S100PBP: variants seen among roughly 807,000 people sequenced by gnomAD.
S100PBP encodes the protein S100P binding protein, also known as S100P-binding protein.
Under a neutral mutation model 39.9 loss-of-function variants are expected in S100PBP, and 15 were observed. The observed-to-expected ratio is 0.38, with a 90% CI of 0.25 to 0.58. The LOEUF (loss-of-function observed/expected upper bound fraction) is 0.58, where lower values mean the gene tolerates loss of function less well. Among genes scored for constraint, S100PBP ranks in the 20% least tolerant of loss-of-function variants. The pLI, the probability that S100PBP is intolerant of heterozygous loss-of-function variation, is 0.70. For synonymous variants in S100PBP, 178 were observed against 180.3 expected, an observed-to-expected ratio of 0.99 and a Z score of 0.10; for missense variants, 504 against 487.3, an observed-to-expected ratio of 1.03 and a Z score of -0.32.
At position 32,826,574 on chromosome 1, in the gene S100PBP, C is replaced by T. The variant is rs558080945; in HGVS notation, c.475C>T (p.Leu159=). The T allele has an allele frequency of 5.6e-6, 9 of 1,613,784 alleles. No homozygotes were observed. Among genetic ancestry groups the T allele is most frequent in the South Asian group, 5.5e-5 (5 of 91,064 alleles). Residue 159 remains leucine, a synonymous_variant, in exon 3 of 7, where the codon CTG becomes TTG. Transcript: ENST00000373475. ...ATTTAATCCAACAGTTTGTGATGCT[C>T]TGCTTGATAAGGACGAGACTGATTC... ...APFNPTVCDA[L]LDKDETDSSK... is the part of the protein sequence containing the mutation.
At chr1:32,842,242 C>T (rs968718303) in intron 5 of S100PBP, among the ~76,000 whole-genome samples, 288 of 54,486 alleles carry the variant, frequency 5.3e-3, no homozygotes, top group East Asian at 8.5e-3. Flanking sequence ...TATATACACA[C>T]ACACACACAC....
intron 5 of S100PBP, among the ~76,000 whole-genome samples, chr1:32,842,236 TACACACACACACACACAC>T (rs1553132298): frequency 1.2e-5 from 1 of 80,854 alleles, no homozygotes; most frequent in African/African-American, 4.7e-5. Context: ...TATATATATA[TACACACACACACACACAC>T]ACACACACAC....
chr1:32,854,710 C>T lies in S100PBP; in HGVS notation c.1113-1214C>T, dbSNP rs140848406. Among the ~76,000 whole-genome samples, 703 of 152,310 alleles carry T rather than the reference C, an allele frequency of 4.6e-3. 1 individual carries two copies. The highest frequency in any genetic ancestry group is 0.027 in the Middle Eastern group (8 of 294). On this transcript the variant is annotated intron_variant, in intron 6 of 6. Transcript: ENST00000373475. ...TTCCCAGTGGCTTCCCATCTCACAT[C>T]TTCCCATTCTCGTAATCCCCTACAA... is the stretch of plus-strand genomic sequence containing the variant.
rs368575916 is a variant in S100PBP, at chr1:32,822,601, A to G, written c.-119-2712A>G. 3.3e-5 allele frequency among the ~76,000 whole-genome samples: 5 copies of G among 149,364 alleles called. No homozygotes were observed. In the East Asian group the frequency reaches 9.7e-4, roughly 29 times the overall value. ...GCGCCACTGCACTCCAGTCTGGGCT[A>G]CAGAGCTAGACTCCGTTTCAAAAAA... On this transcript the variant is annotated intron_variant, in intron 1 of 6. Coordinates refer to ENST00000373475, the MANE Select transcript of S100PBP (RefSeq NM_022753.4).
At chr1:32,819,196 T>A (rs1327907823) in intron 1 of S100PBP, among the ~76,000 whole-genome samples, 5 of 151,870 alleles carry the variant, frequency 3.3e-5, no homozygotes. Context: ...AAGGACAGAA[T>A]GGGGTCACAG....
chr1:32,842,232 TATATAC>T (rs1263089803), intron 5 of S100PBP, among the ~76,000 whole-genome samples: 14 of 80,756 alleles, frequency 1.7e-4, no homozygotes, highest in African/African-American at 8.7e-4. Flanking sequence ...TATATATATA[TATATAC>T]ACACACACAC....
intron 6 of S100PBP, 36 bp downstream of exon 6, chr1:32,853,202 G>C: frequency 1.3e-6 from 2 of 1,501,650 alleles, no homozygotes; most frequent in Non-Finnish European, 1.8e-6. Flanking sequence ...GAAAAGGGTA[G>C]AATGGCTGGG....
At chr1:32,824,291 G>A (rs927673664) in intron 1 of S100PBP, among the ~76,000 whole-genome samples, 2 of 151,530 alleles carry the variant, frequency 1.3e-5, no homozygotes, top group Non-Finnish European at 1.5e-5. Context: ...AAATTTTATA[G>A]TTAACAAGGC....
upstream of S100PBP, chr1:32,817,088 T>C: frequency 6.8e-7 from 1 of 1,477,560 alleles, no homozygotes; most frequent in South Asian, 1.1e-5. Context: ...CAGCGCCGAG[T>C]CCCCGGCCCC....
chr1:32,846,024 C>CT (rs1297836327), intron 5 of S100PBP, among the ~76,000 whole-genome samples: 2 of 151,606 alleles, frequency 1.3e-5, no homozygotes, highest in South Asian at 2.1e-4. Flanking sequence ...GAGTCTCACT[C>CT]TATCACCCAG....
At chr1:32,855,147 A>C (rs1640772319) in intron 6 of S100PBP, among the ~76,000 whole-genome samples, 1 of 152,178 alleles carries the variant, frequency 6.6e-6, no homozygotes, top group Non-Finnish European at 1.5e-5. Flanking sequence ...ACCTGTGGAG[A>C]TATCTAAAAA....
intron 1 of S100PBP, among the ~76,000 whole-genome samples, chr1:32,820,135 G>GT (rs1638978194): frequency 7.8e-6 from 1 of 128,782 alleles, no homozygotes; most frequent in African/African-American, 2.9e-5. Flanking sequence ...TTTTCCTACC[G>GT]TTCCTATGCT....
Position 32,858,840 on chromosome 1 carries a change from TG to T in S100PBP, c.*2803del, listed in dbSNP as rs1474998555. On this transcript the variant is annotated 3_prime_UTR_variant, in exon 7 of 7. Coordinates refer to ENST00000373475, the MANE Select transcript of S100PBP (RefSeq NM_022753.4). ...TTTCCCTTGTAGCAGTTGTGTTTAA[TG>T]TCATTAAAAAGAAATAAAAGTTCTT... 6.6e-6 allele frequency: 1 copy of T among 152,192 alleles called. No homozygotes were observed. The highest frequency in any genetic ancestry group is 1.5e-5 in the Non-Finnish European group (1 of 68,052). The allele number at this position is 152,192 out of a possible 1,614,324, so 9.4% of individuals were successfully genotyped here.
Position 32,826,527 on chromosome 1 carries a change from T to A in S100PBP, c.428T>A (p.Leu143His). The A allele has an allele frequency of 1.2e-6, 2 of 1,614,040 alleles. No individual in the cohort carries two copies. The highest frequency in any genetic ancestry group is 2.2e-5 in the East Asian group (1 of 44,886). Residue 143 changes from leucine (L) to histidine (H), a missense_variant, in exon 3 of 7, where the codon CTT becomes CAT. Coordinates refer to ENST00000373475, the MANE Select transcript of S100PBP (RefSeq NM_022753.4). ...LNRRSVLEKN[L>H]IKVTVAPFNP... ...AGACGCTCTGTACTAGAAAAGAATC[T>A]TATAAAAGTAACTGTTGCACCATTT...
chr1:32,824,023 C>T (rs1313024484), intron 1 of S100PBP, among the ~76,000 whole-genome samples: 1 of 152,066 alleles, frequency 6.6e-6, no homozygotes, highest in Non-Finnish European at 1.5e-5. Flanking sequence ...ACAGTGAAAC[C>T]CCATCTCTAC....
In S100PBP at chr1:32,858,667, AAGC is replaced by A. The variant is rs1403721899; in HGVS notation, c.*2632_*2634del. On this transcript the variant is annotated 3_prime_UTR_variant, in exon 7 of 7. Coordinates refer to ENST00000373475, the MANE Select transcript of S100PBP (RefSeq NM_022753.4). ...CATTCCCACCATGGGGGTCTTGACA[AAGC>A]AGAGTAAAAATATGCTGTTTACATT... The A allele has an allele frequency of 1.3e-5, 2 of 152,214 alleles. No individual in the cohort carries two copies. The highest frequency in any genetic ancestry group is 4.8e-5 in the African/African-American group (2 of 41,450). 9.4% of individuals were successfully genotyped at this position (152,214 alleles called of 1,614,324 possible). A position where few individuals can be genotyped will look rare whatever the true frequency, so the allele number is the denominator to read the frequency against.
At chr1:32,836,495 T>G (rs1486614945) in intron 5 of S100PBP, 4 of 946,544 alleles carry the variant, frequency 4.2e-6, no homozygotes. Context: ...AAATCAGTAT[T>G]CATTGTTTTT....
intron 1 of S100PBP, among the ~76,000 whole-genome samples, chr1:32,822,279 T>A (rs1639105987): frequency 1.3e-5 from 2 of 152,156 alleles, no homozygotes; most frequent in Non-Finnish European, 2.9e-5. Flanking sequence ...TTATGTTACT[T>A]ATGTATATGT....
chr1:32,829,613 C>A (rs1406869463), intron 4 of S100PBP, among the ~76,000 whole-genome samples: 7 of 152,106 alleles, frequency 4.6e-5, no homozygotes, highest in Non-Finnish European at 1.0e-4. Flanking sequence ...CAGGCACATG[C>A]AGCCATGTCC....
Sources: gnomAD v4.1 joint callset for allele counts (sites outside exome capture counted in the v4.1 genomes callset) on GRCh38, gnomAD v4.1.1 for gene constraint, MANE v1.5 for transcripts, NCBI Gene and HGNC (gene_info 2026-07-23, HGNC 2026-07-21) for gene names.